Variants in NGF observed in about 807,000 individuals in gnomAD.
NGF encodes the protein nerve growth factor.
A neutral mutation model predicts 12.8 loss-of-function variants in NGF; 4 were observed. That is an observed-to-expected ratio of 0.31 (90% CI 0.15 to 0.72). The LOEUF is 0.72. Among genes scored for constraint, NGF ranks in the 30% least tolerant of loss-of-function variants. The probability of loss-of-function intolerance (pLI) is 0.69; values close to 1 mark genes in which losing one functional copy is unlikely to be tolerated. For synonymous variants in NGF, 140 were observed against 130.0 expected (o/e 1.08, Z -0.52); for missense variants, 283 against 330.8 (o/e 0.86, Z 1.12).
At chr1:115,305,184 T>A (rs905853176) in intron 1 of NGF, among the ~76,000 whole-genome samples, 1 of 152,230 alleles carries the variant, frequency 6.6e-6, no homozygotes, top group Non-Finnish European at 1.5e-5. Flanking sequence ...CAATAACATG[T>A]ATTATGTATT....
At chr1:115,326,163 G>A (rs1654766480) in intron 1 of NGF, among the ~76,000 whole-genome samples, 1 of 152,098 alleles carries the variant, frequency 6.6e-6, no homozygotes, top group South Asian at 2.1e-4. Context: ...CAGAGAATAA[G>A]GAGAAGCCAG....
At chr1:115,333,192 A>G (rs547842591) in intron 1 of NGF, among the ~76,000 whole-genome samples, 1 of 152,138 alleles carries the variant, frequency 6.6e-6, no homozygotes, top group Non-Finnish European at 1.5e-5. Context: ...AACTCTGACT[A>G]CTGAAGGAGC....
intron 1 of NGF, among the ~76,000 whole-genome samples, chr1:115,301,725 T>C (rs564667312): frequency 6.6e-6 from 1 of 152,338 alleles, no homozygotes; most frequent in South Asian, 2.1e-4. Flanking sequence ...AGATGCTGAG[T>C]AACAAACTGA....
chr1:115,287,813 A>G (rs1653560906), intron 2 of NGF, among the ~76,000 whole-genome samples: 1 of 152,204 alleles, frequency 6.6e-6, no homozygotes, highest in South Asian at 2.1e-4. Flanking sequence ...ACTGTCCCCA[A>G]GAGGACTCCA....
chr1:115,297,306 A>G (rs1384330136), intron 1 of NGF, among the ~76,000 whole-genome samples: 2 of 152,190 alleles, frequency 1.3e-5, no homozygotes, highest in Non-Finnish European at 2.9e-5. Flanking sequence ...TGAAGTATCC[A>G]GTGCAAAGAC....
At chr1:115,327,874 T>G (rs1335412323) in intron 1 of NGF, among the ~76,000 whole-genome samples, 1 of 152,186 alleles carries the variant, frequency 6.6e-6, no homozygotes, top group East Asian at 1.9e-4. Flanking sequence ...ATAAATATTA[T>G]TTGAAATGGA....
At chr1:115,333,542 C>T (rs919344447) in intron 1 of NGF, among the ~76,000 whole-genome samples, 3 of 144,618 alleles carry the variant, frequency 2.1e-5, no homozygotes, top group Non-Finnish European at 4.5e-5. Context: ...CACGTGAATG[C>T]GTTGGCTACA....
Position 115,286,512 on chromosome 1 carries a change from C to T in NGF, c.284G>A (p.Arg95His), listed in dbSNP as rs150136942. 360 of 1,614,158 alleles carry T rather than the reference C, an allele frequency of 2.2e-4. 1 individual carries two copies. The African/African-American group carries it at 3.4e-3, about 15-fold the overall frequency. ...PRVLFSTQPP[R>H]EAADTQDLDF... ...CAGATCCTGAGTGTCTGCAGCTTCA[C>T]GGGGAGGCTGGGTGCTAAACAGCAC... Residue 95 changes from arginine to histidine, a missense_variant, in exon 3 of 3, where the codon CGT (arginine) becomes CAT (histidine). Arg to His is a conservative substitution (Grantham distance 29). This residue lies in a region of NGF where 151 missense variants were observed against 141.6 expected (regional missense o/e 1.07). Coordinates refer to ENST00000369512, the MANE Select transcript of NGF (RefSeq NM_002506.3).
At chr1:115,333,574 T>C (rs1197802156) in intron 1 of NGF, among the ~76,000 whole-genome samples, 1 of 151,276 alleles carries the variant, frequency 6.6e-6, no homozygotes, top group Non-Finnish European at 1.5e-5. Context: ...TTCAAAAGCA[T>C]TGTTGCTAGT....
At chr1:115,286,845 A>G (rs1298764104) in intron 2 of NGF, 38 bp from the exon 3 acceptor site, 8 of 1,612,900 alleles carry the variant, frequency 5.0e-6, no homozygotes, top group Non-Finnish European at 6.8e-6. Flanking sequence ...TTCATGGAGT[A>G]CTAAATGCAG....
In NGF at chr1:115,286,034, T is replaced by C; in HGVS notation, c.*36A>G. On this transcript the variant is annotated 3_prime_UTR_variant, in exon 3 of 3. Coordinates refer to ENST00000369512, the MANE Select transcript of NGF (RefSeq NM_002506.3). ...TGAGGTAGGGAGGGGCCCAGGAGAG[T>C]GTAGAAGGGGCAGGGGGAGGGAGCG... is the stretch of plus-strand genomic sequence containing the variant. 6.2e-7 allele frequency: 1 copy of C among 1,609,510 alleles called. No individual in the cohort carries two copies. Among genetic ancestry groups the C allele is most frequent in the Non-Finnish European group, 8.5e-7 (1 of 1,178,336 alleles).
chr1:115,290,718 T>A (rs1653669726), intron 2 of NGF, among the ~76,000 whole-genome samples: 1 of 152,136 alleles, frequency 6.6e-6, no homozygotes, highest in African/African-American at 2.4e-5. Context: ...AAGCCTTCCC[T>A]TTATATTCTC....
intron 1 of NGF, among the ~76,000 whole-genome samples, chr1:115,319,005 G>A (rs925058191): frequency 8.5e-5 from 13 of 152,176 alleles, no homozygotes; most frequent in African/African-American, 2.9e-4. Context: ...TTCAAACTCT[G>A]TATGTTCCTG....
At chr1:115,318,889 C>T (rs917575743) in intron 1 of NGF, among the ~76,000 whole-genome samples, 1 of 152,170 alleles carries the variant, frequency 6.6e-6, no homozygotes. Flanking sequence ...ACTTCTCATT[C>T]TTGCTTTTGG....
intron 1 of NGF, among the ~76,000 whole-genome samples, chr1:115,326,759 A>T (rs1161245749): frequency 6.6e-6 from 1 of 152,154 alleles, no homozygotes; most frequent in Non-Finnish European, 1.5e-5. Context: ...AAGATCCCTC[A>T]TGCAACTAAG....
At chr1:115,336,550 G>C (rs1655114235) in intron 1 of NGF, among the ~76,000 whole-genome samples, 3 of 152,178 alleles carry the variant, frequency 2.0e-5, no homozygotes, top group African/African-American at 7.2e-5. Flanking sequence ...ATCATGAATT[G>C]ACATTTGGGT....
intron 1 of NGF, among the ~76,000 whole-genome samples, chr1:115,318,625 T>C (rs936856606): frequency 3.3e-5 from 5 of 152,212 alleles, no homozygotes; most frequent in Admixed American, 3.3e-4. Context: ...ATATACTCTG[T>C]GATCTCCAGC....
intron 1 of NGF, among the ~76,000 whole-genome samples, chr1:115,329,944 T>G (rs1557948010): frequency 2.0e-5 from 3 of 152,070 alleles, no homozygotes; most frequent in Non-Finnish European, 4.4e-5. Context: ...TTTGTACAGA[T>G]GGGGTCTCAC....
In NGF at chr1:115,286,115, C is replaced by G. The variant is rs565497625; in HGVS notation, c.681G>C (p.Thr227=). Residue 227 remains threonine (T), a synonymous_variant, in exon 3 of 3, where the codon ACG becomes ACC. Transcript: ENST00000369512. ...TCCTGCTGAGCACACACACACAGGC[C>G]GTATCTATCCGGATAAACCGCCAGG... The part of the protein sequence containing the change: ...QAAWRFIRID[T]ACVCVLSRKA... 1 of 1,613,364 alleles carries G rather than the reference C, an allele frequency of 6.2e-7. No individual in the cohort carries two copies. The highest frequency in any genetic ancestry group is 1.1e-5 in the South Asian group (1 of 90,938).
Sources: gnomAD v4.1 joint callset for allele counts (sites outside exome capture counted in the v4.1 genomes callset) on GRCh38, gnomAD v4.1.1 for gene constraint, gnomAD v4.1.1 regional missense constraint, MANE v1.5 for transcripts, NCBI Gene and HGNC (gene_info 2026-07-23, HGNC 2026-07-21) for gene names.